PRR5: variants seen among roughly 807,000 people sequenced by gnomAD.
PRR5 encodes the protein proline-rich protein 5.
A neutral mutation model predicts 30.6 loss-of-function variants in PRR5; 25 were observed. The observed-to-expected ratio is 0.82, with a 90% CI of 0.60 to 1.14. The LOEUF is 1.14. Among genes scored for constraint, PRR5 ranks in the 50% most tolerant of loss-of-function variants. The pLI is 0.00. For missense variants in PRR5, 600 were observed against 547.1 expected (o/e 1.10, Z -0.96); for synonymous variants, 286 against 247.1 (o/e 1.16, Z -1.48).
chr22:44,728,225 C>T (rs572369258), intron 4 of PRR5, among the ~76,000 whole-genome samples: 1 of 152,358 alleles, frequency 6.6e-6, no homozygotes, highest in African/African-American at 2.4e-5. Context: ...GTCTCAGGGA[C>T]AGGCACTGGG....
At chr22:44,687,725 CCT>C (rs929238550) in intron 1 of PRR5, among the ~76,000 whole-genome samples, 1 of 152,100 alleles carries the variant, frequency 6.6e-6, no homozygotes, top group Middle Eastern at 3.2e-3. Flanking sequence ...GTCTCAACAC[CCT>C]CTCTCCACCC....
At chr22:44,731,482 A>G in intron 4 of PRR5, 3 of 564,226 alleles carry the variant, frequency 5.3e-6, no homozygotes, top group Admixed American at 3.0e-5. Context: ...GGCTCATTTC[A>G]TGCCCTCAGC....
intron 4 of PRR5, among the ~76,000 whole-genome samples, chr22:44,728,313 C>T (rs2147146283): frequency 6.6e-6 from 1 of 152,340 alleles, no homozygotes; most frequent in Admixed American, 6.5e-5. Flanking sequence ...CCAGCCTCAG[C>T]ACCCCTGTCT....
At chr22:44,697,791 C>T (rs575468122), upstream of PRR5, among the ~76,000 whole-genome samples, 7 of 152,342 alleles carry the variant, frequency 4.6e-5, no homozygotes, top group Non-Finnish European at 8.8e-5. Flanking sequence ...CTCGGCCTCC[C>T]TGGGCCTCTG....
chr22:44,732,821 GTGCA>G (rs879376292), intron 6 of PRR5, among the ~76,000 whole-genome samples: 2,236 of 77,676 alleles, frequency 0.029, 21 homozygotes, highest in South Asian at 0.071. Flanking sequence ...CACTACACGT[GTGCA>G]CGCACATACT....
intron 1 of PRR5, among the ~76,000 whole-genome samples, chr22:44,696,591 C>G (rs1316597073): frequency 1.3e-5 from 2 of 152,094 alleles, no homozygotes; most frequent in African/African-American, 4.8e-5. Context: ...GTGCACAGAA[C>G]CAGACCACCA....
chr22:44,696,572 G>C (rs995613962), intron 1 of PRR5, among the ~76,000 whole-genome samples: 1 of 152,114 alleles, frequency 6.6e-6, no homozygotes, highest in Non-Finnish European at 1.5e-5. Flanking sequence ...AGGAGGGCAC[G>C]TGTCTTGGGT....
chr22:44,706,686 T>A (rs926131627), intron 1 of PRR5, among the ~76,000 whole-genome samples: 9 of 151,824 alleles, frequency 5.9e-5, no homozygotes, highest in Admixed American at 3.3e-4. Flanking sequence ...TCACACCGGC[T>A]AATTTTTTTT....
rs762952003 is a variant in PRR5, at chr22:44,679,916, G to A, written c.-11+2676G>A. ...ACTGTGCCGAAGGGTGGCTACGAGG[G>A]AGGCAGGTGTATGGGTGAGGGTGAG... On this transcript the variant is annotated intron_variant, in intron 1 of 8. Transcript: ENST00000006251. The A allele has an allele frequency of 5.8e-6, 9 of 1,552,348 alleles. No individual in the cohort carries two copies. The Admixed American group carries it at 9.7e-5, about 17-fold the overall frequency.
chr22:44,693,159 C>T (rs550764277), intron 1 of PRR5, among the ~76,000 whole-genome samples: 2 of 152,224 alleles, frequency 1.3e-5, no homozygotes, highest in Admixed American at 6.5e-5. Flanking sequence ...AACCAGGTGG[C>T]TTATAACAGA....
At chr22:44,687,546 T>G (rs775365230) in intron 1 of PRR5, among the ~76,000 whole-genome samples, 1 of 152,190 alleles carries the variant, frequency 6.6e-6, no homozygotes, top group African/African-American at 2.4e-5. Context: ...ACAAGTTTTC[T>G]TGTCATCTCT....
chr22:44,684,025 G>A (rs1326405417), intron 1 of PRR5, among the ~76,000 whole-genome samples: 1 of 152,186 alleles, frequency 6.6e-6, no homozygotes, highest in Non-Finnish European at 1.5e-5. Context: ...TGTGTCCCCC[G>A]GACTGGGTGG....
chr22:44,702,519 C>T lies in PRR5; in HGVS notation c.45C>T (p.Leu15=), dbSNP rs746648870. Residue 15 remains leucine (L), a synonymous_variant, in exon 1 of 8, where the codon CTC becomes CTT. Transcript: ENST00000336985. ...TGAAGTTCATGAGTTCGCCCAGCCT[C>T]AGTGACCTGGGCAAGAGAGAGCCGG... is the stretch of plus-strand genomic sequence containing the variant. ...RRLKFMSSPS[L]SDLGKREPAA... 3.4e-6 allele frequency: 5 copies of T among 1,473,900 alleles called. No individual in the cohort carries two copies. Among genetic ancestry groups the T allele is most frequent in the East Asian group, 3.0e-5 (1 of 33,644 alleles). 91.3% of individuals were successfully genotyped at this position (1,473,900 alleles called of 1,614,324 possible). A position where few individuals can be genotyped will look rare whatever the true frequency, so the allele number is the denominator to read the frequency against.
intron 2 of PRR5, among the ~76,000 whole-genome samples, chr22:44,722,321 G>T (rs1930062902): frequency 6.6e-6 from 1 of 152,194 alleles, no homozygotes; most frequent in South Asian, 2.1e-4. Flanking sequence ...CTGTCAGGTG[G>T]CTGTGAACGG....
In PRR5 at chr22:44,714,602, G is replaced by A. The variant is rs1243432550; in HGVS notation, c.146G>A (p.Gly49Glu). The change falls in exon 2 of 8, where the codon GGG becomes GAG. Residue 49 changes from glycine (G) to glutamate (E), a missense_variant. Coordinates refer to ENST00000336985, the MANE Select transcript of PRR5 (RefSeq NM_181333.4). ...ANATWNSIHNGVIAVFQRKGL... is the reference protein window; with the variant it reads ...ANATWNSIHNEVIAVFQRKGL... ...CCCTCTGCCCCCAGCATCCACAACG[G>A]GGTGATCGCCGTCTTCCAGCGCAAG... is the stretch of plus-strand genomic sequence containing the variant. 1 of 1,613,216 alleles carries A rather than the reference G, an allele frequency of 6.2e-7. No individual in the cohort carries two copies. The highest frequency in any genetic ancestry group is 1.3e-5 in the African/African-American group (1 of 74,944).
chr22:44,714,263 G>A (rs953299374), intron 1 of PRR5, among the ~76,000 whole-genome samples: 5 of 152,170 alleles, frequency 3.3e-5, no homozygotes, highest in Admixed American at 3.3e-4. Flanking sequence ...TGGGAGAGGC[G>A]CAGGGGTTTC....
chr22:44,699,120 C>G (rs1436595255), upstream of PRR5, among the ~76,000 whole-genome samples: 1 of 152,174 alleles, frequency 6.6e-6, no homozygotes, highest in Non-Finnish European at 1.5e-5. Flanking sequence ...TTTTAAAGAT[C>G]TCTTTAAAAT....
intron 1 of PRR5, among the ~76,000 whole-genome samples, chr22:44,689,985 AG>A (rs1249240878): frequency 6.6e-6 from 1 of 152,180 alleles, no homozygotes; most frequent in Non-Finnish European, 1.5e-5. Flanking sequence ...GAACAGGAGA[AG>A]GCACTGCTGG....
chr22:44,686,205 C>T (rs773691164), intron 1 of PRR5, among the ~76,000 whole-genome samples: 6 of 151,960 alleles, frequency 3.9e-5, no homozygotes, highest in Non-Finnish European at 5.9e-5. Context: ...GAGCTGAGAT[C>T]GCACCACTGC....
Sources: allele counts gnomAD v4.1 joint callset (sites outside exome capture counted in the v4.1 genomes callset), GRCh38; gene constraint gnomAD v4.1.1; transcripts MANE v1.5; gene names NCBI Gene and HGNC (gene_info 2026-07-23, HGNC 2026-07-21).